PTPN3: variants seen among roughly 807,000 people sequenced by gnomAD.
PTPN3 encodes protein tyrosine phosphatase non-receptor type 3.
In PTPN3, 96 loss-of-function variants were observed where a neutral mutation model predicts 132.7. That is an observed-to-expected ratio of 0.72 (90% CI 0.61 to 0.86). The LOEUF (loss-of-function observed/expected upper bound fraction) is 0.86, where lower values mean the gene tolerates loss of function less well. Among genes scored for constraint, PTPN3 ranks in the 40% least tolerant of loss-of-function variants. PTPN3 has a pLI of 0.00. For synonymous variants in PTPN3, 398 were observed against 429.0 expected (o/e 0.93, Z 0.89); for missense variants, 1,125 against 1,159.6 (o/e 0.97, Z 0.43).
chr9:109,525,713 G>C, the PTPN3 span, among the ~76,000 whole-genome samples: 1 of 152,144 alleles, frequency 6.6e-6, no homozygotes. Flanking sequence ...GTTCAGGAAG[G>C]GTCTAGCAAG....
chr9:109,463,323 C>A lies in PTPN3; in HGVS notation c.112G>T (p.Gly38Cys). 1 of 1,612,946 alleles carries A rather than the reference C, an allele frequency of 6.2e-7. No individual in the cohort carries two copies. Among genetic ancestry groups the A allele is most frequent in the East Asian group, 2.2e-5 (1 of 44,824 alleles). Reference sequence around the variant, plus strand: ...GTAACTTTAAAGGTCTGTACCACGCCATCTAAAAAGTGGATGCTGCAAATG... The same window carrying A: ...GTAACTTTAAAGGTCTGTACCACGCAATCTAAAAAGTGGATGCTGCAAATG... ...EVICSIHFLD[G>C]VVQTFKVTKQ... Residue 38 changes from glycine to cysteine, a missense_variant, in exon 2 of 26, where the codon GGC (glycine) becomes TGC (cysteine). Gly to Cys is a radical substitution (Grantham distance 159). Coordinates refer to ENST00000374541, the MANE Select transcript of PTPN3 (RefSeq NM_002829.4).
chr9:109,456,153 C>T (rs764683507), intron 4 of PTPN3, among the ~76,000 whole-genome samples: 19 of 152,198 alleles, frequency 1.2e-4, no homozygotes, highest in Non-Finnish European at 2.2e-4. Context: ...GGCAGGTGTG[C>T]GTGTGTGTGT....
intron 10 of PTPN3, among the ~76,000 whole-genome samples, chr9:109,430,384 G>A (rs551423390): frequency 4.1e-4 from 62 of 152,166 alleles, no homozygotes; most frequent in South Asian, 8.3e-4. Context: ...GGTTCCTAGG[G>A]CTCCAGCTCA....
Position 109,473,925 on chromosome 9 carries a change from T to A in PTPN3, c.-17-10474A>T, listed in dbSNP as rs577123943. On this transcript the variant is annotated intron_variant, in intron 1 of 25. Coordinates refer to ENST00000374541, the MANE Select transcript of PTPN3 (RefSeq NM_002829.4). Reference sequence around the variant, plus strand: ...TGTTAGAAGTTCTTTTTTTTTTTTTTAAAGAGTTTTAGGAAATCTGATTAT... The same window carrying A: ...TGTTAGAAGTTCTTTTTTTTTTTTTAAAAGAGTTTTAGGAAATCTGATTAT... 5.8e-5 allele frequency among the ~76,000 whole-genome samples: 8 copies of A among 138,818 alleles called. No homozygotes were observed. In the East Asian group the frequency reaches 5.9e-4, roughly 10 times the overall value. 91.1% of individuals were successfully genotyped at this position (138,818 alleles called of 152,430 possible). A position where few individuals can be genotyped will look rare whatever the true frequency, so the allele number is the denominator to read the frequency against.
rs147993209 is a variant in PTPN3 at position 109,416,449 on chromosome 9, T to G, written c.1313+3975A>C. ...AGTTTTTTGTTTTTTGTTTTTTTGTTTCTTTTTTTTTTTTTTGACAGGGTC... is the reference window on the plus strand; with the variant it reads ...AGTTTTTTGTTTTTTGTTTTTTTGTGTCTTTTTTTTTTTTTTGACAGGGTC... On this transcript the variant is annotated intron_variant, in intron 14 of 25. Transcript: ENST00000374541. Among the ~76,000 whole-genome samples the G allele has an allele frequency of 2.8e-3, 396 of 140,884 alleles. 3 individuals are homozygous for G. The highest frequency in any genetic ancestry group is 0.01 in the African/African-American group (384 of 38,352). 92.4% of individuals were successfully genotyped at this position (140,884 alleles called of 152,430 possible).
At chr9:109,390,998 C>T (rs1840030282) in intron 21 of PTPN3, 140 bp downstream of exon 21, 2 of 715,230 alleles carry the variant, frequency 2.8e-6, no homozygotes, top group South Asian at 1.7e-5. Context: ...TTCTGCCTGC[C>T]CTCCCATGGC....
At chr9:109,426,013 CAA>C (rs71372567) in intron 12 of PTPN3, among the ~76,000 whole-genome samples, 4 of 51,172 alleles carry the variant, frequency 7.8e-5, no homozygotes, top group South Asian at 6.4e-4. Flanking sequence ...GACTCCATCT[CAA>C]AAAAAAAAAA....
intron 24 of PTPN3, 143 bp from the exon 25 acceptor site, chr9:109,381,930 C>T (rs1839133426): frequency 1.0e-6 from 1 of 996,390 alleles, no homozygotes; most frequent in Non-Finnish European, 1.5e-6. Flanking sequence ...GGCGTGCTCT[C>T]AAACAGGCTG....
rs1022493106 is a variant in PTPN3 at position 109,378,427 on chromosome 9, A to G, written c.*1129T>C. 3.3e-5 allele frequency: 5 copies of G among 152,652 alleles called. No individual in the cohort carries two copies. Among genetic ancestry groups the G allele is most frequent in the African/African-American group, 1.2e-4 (5 of 41,450 alleles). The allele number at this position is 152,652 out of a possible 1,614,324, so 9.5% of individuals were successfully genotyped here. A position where few individuals can be genotyped will look rare whatever the true frequency, so the allele number is the denominator to read the frequency against. ...GTCTGATCCTCTCCTTTGAAATGCA[A>G]TGGAGACCATTGTGACTGGGGGTGA... On this transcript the variant is annotated 3_prime_UTR_variant, in exon 26 of 26. Coordinates refer to ENST00000374541, the MANE Select transcript of PTPN3 (RefSeq NM_002829.4).
At chr9:109,449,104 G>T in intron 5 of PTPN3, 1 of 1,331,174 alleles carries the variant, frequency 7.5e-7, no homozygotes, top group Middle Eastern at 2.9e-4. Flanking sequence ...GCTGTCCTAT[G>T]AAGAGCTGAG....
chr9:109,414,409 G>A (rs970641564), intron 14 of PTPN3, among the ~76,000 whole-genome samples: 4 of 152,214 alleles, frequency 2.6e-5, no homozygotes, highest in Non-Finnish European at 4.4e-5. Flanking sequence ...ATAGCACGGC[G>A]CTAGAGGAAC....
intron 10 of PTPN3, 179 bp from the exon 11 acceptor site, chr9:109,428,863 T>C (rs1039161053): frequency 2.5e-5 from 25 of 985,294 alleles, no homozygotes; most frequent in Non-Finnish European, 2.9e-5. Context: ...TAATACCAAG[T>C]AGCTGACTGA....
chr9:109,436,891 T>C lies in PTPN3; in HGVS notation c.667A>G (p.Ser223Gly). 6.2e-7 allele frequency: 1 copy of C among 1,613,918 alleles called. No homozygotes were observed. Among genetic ancestry groups the C allele is most frequent in the Non-Finnish European group, 8.5e-7 (1 of 1,179,918 alleles). ...ATAACAAGAATACATACCCTACCAC[T>C]GTGCAGTTCTACTCCATAGAAGTCG... is the stretch of plus-strand genomic sequence containing the variant. ...TLDFYGVELH[S>G]GRDLHNLDLM... is the part of the protein sequence containing the mutation. Residue 223 changes from serine (S) to glycine (G), a missense_variant, in exon 9 of 26, where the codon AGT becomes GGT. Physicochemically the swap from Ser to Gly is moderately conservative, Grantham distance 56 (BLOSUM62 0). Transcript: ENST00000374541.
At chr9:109,517,895 G>C in the PTPN3 span, among the ~76,000 whole-genome samples, 3 of 152,166 alleles carry the variant, frequency 2.0e-5, no homozygotes, top group Admixed American at 6.5e-5. Flanking sequence ...GAGAGAGAGG[G>C]TGGACATTGA....
chr9:109,435,562 A>T (rs530624264), intron 9 of PTPN3, among the ~76,000 whole-genome samples: 2 of 152,200 alleles, frequency 1.3e-5, no homozygotes, highest in Non-Finnish European at 2.9e-5. Flanking sequence ...TATGATATGA[A>T]GCTATGGAGA....
chr9:109,533,306 G>C, the PTPN3 span: 1 of 411,844 alleles, frequency 2.4e-6, no homozygotes, highest in South Asian at 2.3e-5. Flanking sequence ...CACCGCGCCC[G>C]GCTAATTTTT....
rs374221054 is a variant in PTPN3, at chr9:109,463,314, G to A, written c.121C>T (p.Gln41Ter). The stretch of plus-strand genomic sequence containing the variant: ...GAACTTACAGTAACTTTAAAGGTCT[G>A]TACCACGCCATCTAAAAAGTGGATG... Reference protein sequence around the residue: ...CSIHFLDGVVQTFKVTKQDTG... With the variant: ...CSIHFLDGVV The change falls in exon 2 of 26, where the codon CAG becomes TAG. Residue 41 changes from glutamine (Q) to a stop codon, truncating the protein, a stop_gained. Transcript: ENST00000374541. LOFTEE classifies it high-confidence loss of function. The A allele has an allele frequency of 4.3e-6, 7 of 1,612,732 alleles. No individual in the cohort carries two copies. Among genetic ancestry groups the A allele is most frequent in the African/African-American group, 2.7e-5 (2 of 74,792 alleles).
At chr9:109,494,979 G>A (rs1480527792) in intron 1 of PTPN3, among the ~76,000 whole-genome samples, 1 of 152,076 alleles carries the variant, frequency 6.6e-6, no homozygotes, top group Non-Finnish European at 1.5e-5. Context: ...CTGGGTCTTA[G>A]AACCCATTAC....
At chr9:109,458,433 T>C (rs1460471892) in intron 2 of PTPN3, among the ~76,000 whole-genome samples, 1 of 152,202 alleles carries the variant, frequency 6.6e-6, no homozygotes, top group African/African-American at 2.4e-5. Context: ...ACCAAACCAT[T>C]TAACTAAAGG....
Sources: gnomAD v4.1 joint callset for allele counts (sites outside exome capture counted in the v4.1 genomes callset) on GRCh38, gnomAD v4.1.1 for gene constraint, MANE v1.5 for transcripts, NCBI Gene and HGNC (gene_info 2026-07-23, HGNC 2026-07-21) for gene names.